The following JPH4 variants were observed in gnomAD, a reference collection of about 807,000 sequenced individuals.
JPH4 encodes junctophilin-4.
JPH4 carries 18 observed loss-of-function variants against 57.6 expected under a neutral mutation model. The observed-to-expected ratio is 0.31, with a 90% CI of 0.22 to 0.46. The LOEUF (loss-of-function observed/expected upper bound fraction) is 0.46. Ranked by LOEUF, JPH4 falls within the 20% of genes least tolerant of loss-of-function variation. JPH4 has a pLI of 1.00. For synonymous variants in JPH4, 425 were observed against 406.6 expected, an observed-to-expected ratio of 1.05 and a Z score of -0.54; for missense variants, 727 against 911.1, an observed-to-expected ratio of 0.80 and a Z score of 2.60.
Position 23,576,933 on chromosome 14 carries a change from G to C in JPH4, c.379+142C>G. ...ATCATGGTGGGAGAGAGCAGAAATT[G>C]GGGGCTGGGGGTCACATCGATGGGG... On this transcript the variant is annotated intron_variant, in intron 2 of 5. Coordinates refer to ENST00000356300, the MANE Select transcript of JPH4 (RefSeq NM_001146028.2). The surrounding 1 kb of genome is among the most constrained non-coding windows in gnomAD (Gnocchi z 8.0). The C allele has an allele frequency of 1.0e-6, 1 of 985,354 alleles. No homozygotes were observed. The highest frequency in any genetic ancestry group is 1.4e-6 in the Non-Finnish European group (1 of 709,028). The allele number at this position is 985,354 out of a possible 1,614,324, so 61.0% of individuals were successfully genotyped here.
At position 23,571,554 on chromosome 14, in the gene JPH4, T is replaced by C. The variant is rs1889147364; in HGVS notation, c.1271-94A>G. The C allele has an allele frequency of 6.9e-7, 1 of 1,452,048 alleles. No individual in the cohort carries two copies. Among genetic ancestry groups the C allele is most frequent in the Non-Finnish European group, 9.3e-7 (1 of 1,078,262 alleles). 89.9% of individuals were successfully genotyped at this position (1,452,048 alleles called of 1,614,324 possible). On this transcript the variant is annotated intron_variant, in intron 4 of 5. Coordinates refer to ENST00000356300, the MANE Select transcript of JPH4 (RefSeq NM_001146028.2). This position sits in a 1 kb window ranked among gnomAD's most constrained non-coding sequence, Gnocchi z 4.6. ...CCTGACTGGGCACTTCCCAGGACTT[T>C]GGAATTCCCAGGCTCATAGCCTCTC...
rs1460362973 is a variant in JPH4 at position 23,571,003 on chromosome 14, G to C, written c.1728C>G (p.Ser576=). 6 of 1,560,994 alleles carry C rather than the reference G, an allele frequency of 3.8e-6. No homozygotes were observed. In the Admixed American group the frequency reaches 9.3e-5, roughly 24 times the overall value. The change falls in exon 5 of 6, where the codon TCC becomes TCG. Residue 576 remains serine, a synonymous_variant. Coordinates refer to ENST00000356300, the MANE Select transcript of JPH4 (RefSeq NM_001146028.2). This position sits in a 1 kb window ranked among gnomAD's most constrained non-coding sequence, Gnocchi z 4.6. ...GGCACCCAGCATCAGGACCCCTCGA[G>C]GACGAGCCCCTCAGGACCAGCATGG... The part of the protein sequence containing the change: ...PIAMLVLRGS[S]SRGPDAGCLT...
At position 23,568,207 on chromosome 14, in the gene JPH4, G is replaced by A. The variant is rs1888863629; in HGVS notation, c.*1427C>T. The A allele has an allele frequency of 1.0e-6, 1 of 985,698 alleles. No individual in the cohort carries two copies. The highest frequency in any genetic ancestry group is 1.7e-5 in the African/African-American group (1 of 57,212). The allele number at this position is 985,698 out of a possible 1,614,324, so 61.1% of individuals were successfully genotyped here. ...GGGAGGAAGGAGGGAGGCAAGCCAAGGAATAAACAAGAGTTTGACTAGAAA... is the reference window on the plus strand; with the variant it reads ...GGGAGGAAGGAGGGAGGCAAGCCAAAGAATAAACAAGAGTTTGACTAGAAA... On this transcript the variant is annotated 3_prime_UTR_variant, in exon 6 of 6. Transcript: ENST00000356300.
In JPH4 at chr14:23,571,953, CT is replaced by C; in HGVS notation, c.1152-34del. The C allele has an allele frequency of 1.3e-6, 2 of 1,587,766 alleles. No individual in the cohort carries two copies. The highest frequency in any genetic ancestry group is 1.7e-6 in the Non-Finnish European group (2 of 1,163,082). On this transcript the variant is annotated intron_variant, in intron 3 of 5. Coordinates refer to ENST00000356300, the MANE Select transcript of JPH4 (RefSeq NM_001146028.2). This position sits in a 1 kb window ranked among gnomAD's most constrained non-coding sequence, Gnocchi z 4.6. ...GTCCAGAGACAGGGATTTAGCAGAACTTCCCCCACTTCAAGTTAGTCCCTGC... is the reference window on the plus strand; with the variant it reads ...GTCCAGAGACAGGGATTTAGCAGAACTCCCCCACTTCAAGTTAGTCCCTGC...
In JPH4 at chr14:23,575,524, A is replaced by G; in HGVS notation, c.1151+161T>C. 1 of 857,690 alleles carries G rather than the reference A, an allele frequency of 1.2e-6. No homozygotes were observed. The highest frequency in any genetic ancestry group is 1.8e-6 in the Non-Finnish European group (1 of 564,776). 53.1% of individuals were successfully genotyped at this position (857,690 alleles called of 1,614,324 possible). On this transcript the variant is annotated intron_variant, in intron 3 of 5. Transcript: ENST00000356300. The surrounding 1 kb of genome is among the most constrained non-coding windows in gnomAD (Gnocchi z 6.9). The stretch of plus-strand genomic sequence containing the variant: ...CACATCCACCTGTAGCCTCGGATAT[A>G]AACACCAAGAATGCCCAGGGGTCCA...
Position 23,576,423 on chromosome 14 carries a change from C to T in JPH4, c.413G>A (p.Arg138His). ...ACTCTGGCGTACCCCGTAGCCGTGG[C>T]GCTTCCCGGCCTGCCACTGGCCCTG... ...TYQGQWQAGK[R>H]HGYGVRQSVP... is the part of the protein sequence containing the mutation. The change falls in exon 3 of 6, where the codon CGC (arginine) becomes CAC (histidine). Residue 138 changes from arginine (R) to histidine (H), a missense_variant. This residue lies in a region of JPH4 where 90 missense variants were observed against 88.1 expected (regional missense o/e 1.02). Transcript: ENST00000356300. This position sits in a 1 kb window ranked among gnomAD's most constrained non-coding sequence, Gnocchi z 8.0. 2 of 1,437,378 alleles carry T rather than the reference C, an allele frequency of 1.4e-6. No homozygotes were observed. Among genetic ancestry groups the T allele is most frequent in the Non-Finnish European group, 9.1e-7 (1 of 1,103,224 alleles). 89.0% of individuals were successfully genotyped at this position (1,437,378 alleles called of 1,614,324 possible). A position where few individuals can be genotyped will look rare whatever the true frequency, so the allele number is the denominator to read the frequency against.
chr14:23,576,023 G>A lies in JPH4; in HGVS notation c.813C>T (p.Pro271=). The A allele has an allele frequency of 5.9e-6, 8 of 1,349,628 alleles. No individual in the cohort carries two copies. The highest frequency in any genetic ancestry group is 7.6e-6 in the Non-Finnish European group (8 of 1,057,158). The allele number at this position is 1,349,628 out of a possible 1,614,324, so 83.6% of individuals were successfully genotyped here. The change falls in exon 3 of 6, where the codon CCC becomes CCT. Residue 271 remains proline, a synonymous_variant. Coordinates refer to ENST00000356300, the MANE Select transcript of JPH4 (RefSeq NM_001146028.2). The surrounding 1 kb of genome is among the most constrained non-coding windows in gnomAD (Gnocchi z 8.0). ...EASGPPAAAP[P]ALIEGSATEV... is the part of the protein sequence containing the mutation. Reference sequence around the variant, plus strand: ...CTGTGGCCGAGCCCTCGATGAGGGCGGGCGGCGCTGCGGCCGGGGGCCCGC... The same window carrying A: ...CTGTGGCCGAGCCCTCGATGAGGGCAGGCGGCGCTGCGGCCGGGGGCCCGC...
chr14:23,577,658 G>T lies in JPH4; in HGVS notation c.-171-34C>A, dbSNP rs78998257. On this transcript the variant is annotated intron_variant, in intron 1 of 5. Transcript: ENST00000356300. The surrounding 1 kb of genome is among the most constrained non-coding windows in gnomAD (Gnocchi z 8.4). ...AAAGAGGGAGGGGGGCAAGTGGCGA[G>T]AGAGGCCCCTCCTCTTTGCCCGCCG... 4.7e-6 allele frequency: 2 copies of T among 426,682 alleles called. No individual in the cohort carries two copies. The highest frequency in any genetic ancestry group is 2.1e-5 in the African/African-American group (1 of 48,684). The allele number at this position is 426,682 out of a possible 1,614,324, so 26.4% of individuals were successfully genotyped here.
chr14:23,571,601 C>G lies in JPH4; in HGVS notation c.1271-141G>C. On this transcript the variant is annotated intron_variant, in intron 4 of 5. Transcript: ENST00000356300. This position sits in a 1 kb window ranked among gnomAD's most constrained non-coding sequence, Gnocchi z 4.6. Reference sequence around the variant, plus strand: ...TCTCACCGCCAGACCCCAAACCCCCCATTATCCTACTGCATACATTCCCAA... The same window carrying G: ...TCTCACCGCCAGACCCCAAACCCCCGATTATCCTACTGCATACATTCCCAA... The G allele has an allele frequency of 2.6e-6, 3 of 1,138,114 alleles. No homozygotes were observed. The highest frequency in any genetic ancestry group is 3.8e-6 in the Non-Finnish European group (3 of 796,812). 70.5% of individuals were successfully genotyped at this position (1,138,114 alleles called of 1,614,324 possible).
rs932501100 is a variant in JPH4 at position 23,575,327 on chromosome 14, G to A, written c.1151+358C>T. On this transcript the variant is annotated intron_variant, in intron 3 of 5. Coordinates refer to ENST00000356300, the MANE Select transcript of JPH4 (RefSeq NM_001146028.2). This position sits in a 1 kb window ranked among gnomAD's most constrained non-coding sequence, Gnocchi z 6.9. ...ATCAGCTGCAAGAGGAGGAAGACTA[G>A]GGACATGTTTTGAGTTCCAAGAGAT... is the stretch of plus-strand genomic sequence containing the variant. The A allele has an allele frequency of 3.8e-5, 13 of 343,442 alleles. No individual in the cohort carries two copies. The highest frequency in any genetic ancestry group is 4.9e-5 in the Non-Finnish European group (9 of 184,992). The allele number at this position is 343,442 out of a possible 1,614,324, so 21.3% of individuals were successfully genotyped here. A position where few individuals can be genotyped will look rare whatever the true frequency, so the allele number is the denominator to read the frequency against.
Position 23,568,060 on chromosome 14 carries a change from A to G in JPH4, c.*1574T>C, listed in dbSNP as rs774184765. ...CCCTTTTTTGAACTTTTTTATTAATATATTTTTTTTGTTAAATTTCTTTGT... is the reference window on the plus strand; with the variant it reads ...CCCTTTTTTGAACTTTTTTATTAATGTATTTTTTTTGTTAAATTTCTTTGT... On this transcript the variant is annotated 3_prime_UTR_variant, in exon 6 of 6. Transcript: ENST00000356300. The G allele has an allele frequency of 5.1e-5, 50 of 983,324 alleles. No individual in the cohort carries two copies. Among genetic ancestry groups the G allele is most frequent in the Admixed American group, 6.2e-5 (1 of 16,240 alleles). The allele number at this position is 983,324 out of a possible 1,614,324, so 60.9% of individuals were successfully genotyped here. A position where few individuals can be genotyped will look rare whatever the true frequency, so the allele number is the denominator to read the frequency against.
intron 3 of JPH4, among the ~76,000 whole-genome samples, chr14:23,574,236 G>A (rs1306364403): frequency 4.7e-5 from 7 of 150,504 alleles, no homozygotes; most frequent in African/African-American, 1.7e-4. Flanking sequence ...GTGCAGTGGC[G>A]TGGTCTCGGC....
chr14:23,577,184 C>T lies in JPH4; in HGVS notation c.270G>A (p.Gly90=), dbSNP rs1235447051. ...CCCACACGCCGCTGCGCCCCTTCAG[C>T]CCGCCCAGCCACTCGCCGCGGTACG... The part of the protein sequence containing the change: ...RWTYRGEWLG[G]LKGRSGVWES... Residue 90 remains glycine (G), a synonymous_variant, in exon 2 of 6, where the codon GGG becomes GGA. Coordinates refer to ENST00000356300, the MANE Select transcript of JPH4 (RefSeq NM_001146028.2). This position sits in a 1 kb window ranked among gnomAD's most constrained non-coding sequence, Gnocchi z 8.4. 1 of 1,536,680 alleles carries T rather than the reference C, an allele frequency of 6.5e-7. No homozygotes were observed. Among genetic ancestry groups the T allele is most frequent in the Non-Finnish European group, 8.7e-7 (1 of 1,146,528 alleles).
Position 23,577,549 on chromosome 14 carries a change from G to A in JPH4, c.-96C>T. On this transcript the variant is annotated 5_prime_UTR_variant, in exon 2 of 6. Coordinates refer to ENST00000356300, the MANE Select transcript of JPH4 (RefSeq NM_001146028.2). The surrounding 1 kb of genome is among the most constrained non-coding windows in gnomAD (Gnocchi z 8.4). Reference sequence around the variant, plus strand: ...CCTTGGAGCCGGGCGAGGCCTCGGGGCGGGGGCAGTTAGACCGGGGCCGGG... The same window carrying A: ...CCTTGGAGCCGGGCGAGGCCTCGGGACGGGGGCAGTTAGACCGGGGCCGGG... 8.8e-7 allele frequency: 1 copy of A among 1,141,968 alleles called. No individual in the cohort carries two copies. Among genetic ancestry groups the A allele is most frequent in the Non-Finnish European group, 1.1e-6 (1 of 871,192 alleles). 70.7% of individuals were successfully genotyped at this position (1,141,968 alleles called of 1,614,324 possible).
rs1889305191 is a variant in JPH4, at chr14:23,577,534, G to A, written c.-81C>T. 1.6e-6 allele frequency: 2 copies of A among 1,240,634 alleles called. No homozygotes were observed. Among genetic ancestry groups the A allele is most frequent in the Non-Finnish European group, 2.1e-6 (2 of 959,918 alleles). The allele number at this position is 1,240,634 out of a possible 1,614,324, so 76.9% of individuals were successfully genotyped here. A position where few individuals can be genotyped will look rare whatever the true frequency, so the allele number is the denominator to read the frequency against. On this transcript the variant is annotated 5_prime_UTR_variant, in exon 2 of 6. Transcript: ENST00000356300. The surrounding 1 kb of genome is among the most constrained non-coding windows in gnomAD (Gnocchi z 8.4). ...AGAGCCTGCTGGGGGCCTTGGAGCC[G>A]GGCGAGGCCTCGGGGCGGGGGCAGT...
At chr14:23,573,402 G>A (rs569299008) in intron 3 of JPH4, among the ~76,000 whole-genome samples, 1 of 152,330 alleles carries the variant, frequency 6.6e-6, no homozygotes, top group Non-Finnish European at 1.5e-5. Context: ...CTTCAGTGGG[G>A]CAAAGTCAAG....
chr14:23,571,659 C>A lies in JPH4; in HGVS notation c.1270+143G>T. The stretch of plus-strand genomic sequence containing the variant: ...TCCCCAGACTACCAGGTCTGGCCCC[C>A]ACCCTGTGTTCCTTGCACCCTCATT... On this transcript the variant is annotated intron_variant, in intron 4 of 5. Transcript: ENST00000356300. The surrounding 1 kb of genome is among the most constrained non-coding windows in gnomAD (Gnocchi z 4.6). The A allele has an allele frequency of 9.9e-7, 1 of 1,008,342 alleles. No individual in the cohort carries two copies. The highest frequency in any genetic ancestry group is 1.5e-6 in the Non-Finnish European group (1 of 671,672). The allele number at this position is 1,008,342 out of a possible 1,614,324, so 62.5% of individuals were successfully genotyped here. A position where few individuals can be genotyped will look rare whatever the true frequency, so the allele number is the denominator to read the frequency against.
chr14:23,578,774 G>A lies in JPH4; in HGVS notation c.-766C>T, dbSNP rs1889339735. 1 of 151,858 alleles carries A rather than the reference G, an allele frequency of 6.6e-6. No individual in the cohort carries two copies. The highest frequency in any genetic ancestry group is 6.6e-5 in the Admixed American group (1 of 15,156). The allele number at this position is 151,858 out of a possible 1,614,324, so 9.4% of individuals were successfully genotyped here. A position where few individuals can be genotyped will look rare whatever the true frequency, so the allele number is the denominator to read the frequency against. ...CGGTGAGGGAGGAGGCAGGCAGAGAGGAGAAGGAGATGCACTGAGACCCCC... is the reference window on the plus strand; with the variant it reads ...CGGTGAGGGAGGAGGCAGGCAGAGAAGAGAAGGAGATGCACTGAGACCCCC... On this transcript the variant is annotated 5_prime_UTR_variant, in exon 1 of 6. Coordinates refer to ENST00000356300, the MANE Select transcript of JPH4 (RefSeq NM_001146028.2).
rs1488066061 is a variant in JPH4 at position 23,571,923 on chromosome 14, G to A, written c.1152-3C>T. 1 of 1,610,476 alleles carries A rather than the reference G, an allele frequency of 6.2e-7. No individual in the cohort carries two copies. The highest frequency in any genetic ancestry group is 8.5e-7 in the Non-Finnish European group (1 of 1,179,534). ...CCTTTAGGAGGGCGTCTGCTGCCCT[G>A]TCGGGTCCAGAGACAGGGATTTAGC... On this transcript the variant is annotated splice_region_variant and splice_polypyrimidine_tract_variant and intron_variant, in intron 3 of 5. Transcript: ENST00000356300. This position sits in a 1 kb window ranked among gnomAD's most constrained non-coding sequence, Gnocchi z 4.6.
Sources: gnomAD v4.1 joint callset for allele counts (sites outside exome capture counted in the v4.1 genomes callset) on GRCh38, gnomAD v4.1.1 for gene constraint, gnomAD v4.1.1 regional missense constraint, Gnocchi (gnomAD v3.1) non-coding constraint, MANE v1.5 for transcripts, NCBI Gene and HGNC (gene_info 2026-07-23, HGNC 2026-07-21) for gene names.